AFF1: variants seen among roughly 807,000 people sequenced by gnomAD.
AFF1 encodes the protein ALF transcription elongation factor 1.
AFF1 carries 48 observed loss-of-function variants against 121.7 expected under a neutral mutation model. That is an observed-to-expected ratio of 0.39 (90% CI 0.31 to 0.50). AFF1 has a LOEUF of 0.50. Ranked by LOEUF, AFF1 falls within the 20% of genes least tolerant of loss-of-function variation. The probability of loss-of-function intolerance (pLI) is 0.76; values close to 1 mark genes in which losing one functional copy is unlikely to be tolerated. For synonymous variants in AFF1, 613 were observed against 563.0 expected, an observed-to-expected ratio of 1.09 and a Z score of -1.26; for missense variants, 1,523 against 1,511.7, an observed-to-expected ratio of 1.01 and a Z score of -0.12.
At chr4:87,077,386 G>A (rs1377040026) in intron 4 of AFF1, among the ~76,000 whole-genome samples, 1 of 152,186 alleles carries the variant, frequency 6.6e-6, no homozygotes, top group Non-Finnish European at 1.5e-5. Flanking sequence ...TAACATAGGT[G>A]TGTGTTCAGA....
chr4:86,958,480 G>T (rs1027871444), intron 2 of AFF1, among the ~76,000 whole-genome samples: 2 of 152,084 alleles, frequency 1.3e-5, no homozygotes, highest in African/African-American at 4.8e-5. Flanking sequence ...CATTTTGGGA[G>T]GCCACGGTGG....
chr4:87,089,787 T>C lies in AFF1; in HGVS notation c.1105-197T>C, dbSNP rs138922396. 3.7e-3 allele frequency among the ~76,000 whole-genome samples: 563 copies of C among 152,342 alleles called. 5 individuals are homozygous for C. Among genetic ancestry groups the C allele is most frequent in the African/African-American group, 0.013 (538 of 41,582 alleles). On this transcript the variant is annotated intron_variant, in intron 5 of 20. Coordinates refer to ENST00000395146, the MANE Select transcript of AFF1 (RefSeq NM_001166693.3). Reference sequence around the variant, plus strand: ...TTCTACAAACTGGCGTTTTTTAGTTTTTTATGTTGGAGAGCTTTAACTTTT... The same window carrying C: ...TTCTACAAACTGGCGTTTTTTAGTTCTTTATGTTGGAGAGCTTTAACTTTT...
chr4:86,949,533 TATTA>T (rs1721124086), intron 2 of AFF1: 1 of 338,034 alleles, frequency 3.0e-6, no homozygotes, highest in East Asian at 9.3e-5. Flanking sequence ...TTATTATTAT[TATTA>T]TTTTTTTTTT....
At chr4:86,968,261 TTC>T (rs1436998599) in intron 2 of AFF1, among the ~76,000 whole-genome samples, 1 of 152,186 alleles carries the variant, frequency 6.6e-6, no homozygotes, top group Non-Finnish European at 1.5e-5. Context: ...CCTTACAAGA[TTC>T]TGTCATTGGA....
intron 2 of AFF1, among the ~76,000 whole-genome samples, chr4:86,963,486 T>C (rs867417172): frequency 8.5e-5 from 13 of 152,248 alleles, no homozygotes; most frequent in Admixed American, 2.6e-4. Context: ...CATTAGCGCT[T>C]GCGTTCAGGT....
At chr4:86,979,097 C>T (rs1022937043) in intron 2 of AFF1, among the ~76,000 whole-genome samples, 3 of 151,858 alleles carry the variant, frequency 2.0e-5, no homozygotes, top group Admixed American at 6.6e-5. Flanking sequence ...TTTGCCTCTG[C>T]CTCTCTTTTT....
At chr4:87,083,862 A>G (rs1388825392) in intron 4 of AFF1, among the ~76,000 whole-genome samples, 2 of 152,138 alleles carry the variant, frequency 1.3e-5, no homozygotes, top group East Asian at 1.9e-4. Flanking sequence ...TCCCTGGCTC[A>G]TGTGATCCTC....
intron 4 of AFF1, chr4:87,048,195 A>G (rs565950884): frequency 6.5e-6 from 1 of 153,502 alleles, no homozygotes; most frequent in East Asian, 1.9e-4. Flanking sequence ...ATATTTTATT[A>G]TTTATCACCT....
chr4:87,132,490 C>A, intron 19 of AFF1, 82 bp downstream of exon 19: 2 of 1,399,450 alleles, frequency 1.4e-6, no homozygotes, highest in Non-Finnish European at 1.9e-6. Flanking sequence ...CATTTGTATG[C>A]TTACATATGT....
At chr4:86,994,987 T>C (rs1368150759) in intron 2 of AFF1, among the ~76,000 whole-genome samples, 1 of 152,122 alleles carries the variant, frequency 6.6e-6, no homozygotes, top group Non-Finnish European at 1.5e-5. Context: ...CACTTTGTAA[T>C]CTCAGCACTT....
intron 2 of AFF1, chr4:87,007,387 C>A (rs1434695785): frequency 1.9e-6 from 3 of 1,613,872 alleles, no homozygotes; most frequent in Middle Eastern, 1.6e-4. Flanking sequence ...ACGGAAGACC[C>A]CTGGCTCTAT....
chr4:86,982,752 G>A (rs1172645872), intron 2 of AFF1, among the ~76,000 whole-genome samples: 12 of 150,206 alleles, frequency 8.0e-5, no homozygotes, highest in Non-Finnish European at 1.8e-4. Context: ...GGAGGCTGAG[G>A]CAGGAGAATC....
intron 4 of AFF1, among the ~76,000 whole-genome samples, chr4:87,056,270 A>G (rs1720130091): frequency 1.3e-5 from 2 of 152,202 alleles, no homozygotes; most frequent in South Asian, 4.1e-4. Context: ...TCCAATTTAC[A>G]AATAATAGAA....
chr4:87,137,316 A>C lies in AFF1; in HGVS notation c.*1615A>C. 4.4e-6 allele frequency: 1 copy of C among 228,024 alleles called. No homozygotes were observed. Among genetic ancestry groups the C allele is most frequent in the East Asian group, 6.3e-5 (1 of 15,862 alleles). The allele number at this position is 228,024 out of a possible 1,614,324, so 14.1% of individuals were successfully genotyped here. A position where few individuals can be genotyped will look rare whatever the true frequency, so the allele number is the denominator to read the frequency against. ...TAGTGGAGGAGGGAGAACCATATTT[A>C]TTTATAATGAAGACATCTAAGATCC... On this transcript the variant is annotated 3_prime_UTR_variant, in exon 21 of 21. Coordinates refer to ENST00000395146, the MANE Select transcript of AFF1 (RefSeq NM_001166693.3).
chr4:87,076,840 G>A (rs751551367), intron 4 of AFF1, among the ~76,000 whole-genome samples: 17 of 152,246 alleles, frequency 1.1e-4, no homozygotes, highest in Non-Finnish European at 1.5e-4. Flanking sequence ...TCCAGCTGAA[G>A]TAGGCACACC....
chr4:87,022,416 C>A lies in AFF1; in HGVS notation c.39-23750C>A, dbSNP rs28608199. ...GGTGATGGAAAGTATTACTGAACAC[C>A]ATACTTAAAAGCTTTACCCATTCAT... On this transcript the variant is annotated intron_variant, in intron 2 of 20. Coordinates refer to ENST00000395146, the MANE Select transcript of AFF1 (RefSeq NM_001166693.3). 9.6e-3 allele frequency among the ~76,000 whole-genome samples: 1,444 copies of A among 151,132 alleles called. 15 individuals carry two copies. Among genetic ancestry groups the A allele is most frequent in the Non-Finnish European group, 0.016 (1,112 of 67,824 alleles).
intron 4 of AFF1, chr4:87,049,587 TGGCAC>T: frequency 1.6e-5 from 7 of 430,844 alleles, no homozygotes; most frequent in Admixed American, 7.8e-5. Context: ...GTTTTTTTTT[TGGCAC>T]CAGTGCATCT....
intron 2 of AFF1, among the ~76,000 whole-genome samples, chr4:87,000,770 TAGG>T (rs768122139): frequency 1.8e-4 from 27 of 151,910 alleles, no homozygotes; most frequent in Non-Finnish European, 2.8e-4. Flanking sequence ...AATGCACAAA[TAGG>T]AGGAGATATG....
intron 2 of AFF1, among the ~76,000 whole-genome samples, chr4:86,959,814 G>A (rs941253889): frequency 3.3e-5 from 5 of 152,224 alleles, no homozygotes; most frequent in African/African-American, 1.2e-4. Context: ...GGAAGGTAAG[G>A]AATGCATTAG....
Sources: allele counts gnomAD v4.1 joint callset (sites outside exome capture counted in the v4.1 genomes callset), GRCh38; gene constraint gnomAD v4.1.1; transcripts MANE v1.5; gene names NCBI Gene and HGNC (gene_info 2026-07-23, HGNC 2026-07-21).